PXDC1: variants seen among roughly 807,000 people sequenced by gnomAD.
The protein encoded by PXDC1 is PX domain containing 1.
A neutral mutation model predicts 24.4 loss-of-function variants in PXDC1; 13 were observed. The ratio of observed to expected loss-of-function variants is 0.53; its 90% CI spans 0.35 to 0.85. The LOEUF (loss-of-function observed/expected upper bound fraction) is 0.85, where lower values mean the gene tolerates loss of function less well. PXDC1 is among the 40% of genes least tolerant of loss of function. The probability of loss-of-function intolerance (pLI) is 0.01; values close to 1 mark genes in which losing one functional copy is unlikely to be tolerated. For missense variants in PXDC1, 344 were observed against 309.3 expected (o/e 1.11, Z -0.84); for synonymous variants, 162 against 124.9 (o/e 1.30, Z -1.98).
rs535031503 is a variant in PXDC1, at chr6:3,743,721, C to T, written c.257-5573G>A. Among the ~76,000 whole-genome samples, 30 of 152,328 alleles carry T rather than the reference C, an allele frequency of 2.0e-4. No homozygotes were observed. In the South Asian group the frequency reaches 6.0e-3, roughly 30 times the overall value. ...TGCTCTTCGCTATCCGAGACTGACA[C>T]GTTTCCACCTGTGGAGTGTCACGCA... On this transcript the variant is annotated intron_variant, in intron 1 of 4. Coordinates refer to ENST00000380283, the MANE Select transcript of PXDC1 (RefSeq NM_183373.4).
chr6:3,723,700 C>T lies in PXDC1; in HGVS notation c.615G>A (p.Glu205=), dbSNP rs1271281707. The T allele has an allele frequency of 1.9e-5, 30 of 1,614,194 alleles. No homozygotes were observed. Among genetic ancestry groups the T allele is most frequent in the Non-Finnish European group, 2.4e-5 (28 of 1,180,030 alleles). ...ENGSEFPSEL[E]DGDDPAAYVT... is the part of the protein sequence containing the mutation. ...CGTAGGCTGCTGGGTCGTCCCCGTC[C>T]TCCAGCTCTGAGGGAAACTCACTGC... Residue 205 remains glutamate (E), a synonymous_variant, in exon 5 of 5, where the codon GAG becomes GAA. Coordinates refer to ENST00000380283, the MANE Select transcript of PXDC1 (RefSeq NM_183373.4).
Position 3,737,004 on chromosome 6 carries a change from CA to C in PXDC1, c.466+74del. On this transcript the variant is annotated intron_variant, in intron 3 of 4. Coordinates refer to ENST00000380283, the MANE Select transcript of PXDC1 (RefSeq NM_183373.4). The surrounding 1 kb of genome is among the most constrained non-coding windows in gnomAD (Gnocchi z 5.5). Reference sequence around the variant, plus strand: ...AGTGTGGCCCAGCCTCAGAGACAGCCAACTGTGAGGGTTTCTGTGACATCTC... The same window carrying C: ...AGTGTGGCCCAGCCTCAGAGACAGCCACTGTGAGGGTTTCTGTGACATCTC... The C allele has an allele frequency of 1.1e-6, 1 of 884,720 alleles. No homozygotes were observed. The highest frequency in any genetic ancestry group is 1.9e-6 in the Non-Finnish European group (1 of 521,780). 54.8% of individuals were successfully genotyped at this position (884,720 alleles called of 1,614,324 possible).
chr6:3,739,375 C>A (rs774011708), intron 1 of PXDC1, among the ~76,000 whole-genome samples: 1 of 152,232 alleles, frequency 6.6e-6, no homozygotes, highest in Non-Finnish European at 1.5e-5. Flanking sequence ...CAAGCACGTG[C>A]CAGGTGCCCA....
chr6:3,733,905 C>A (rs1024835509), intron 3 of PXDC1, among the ~76,000 whole-genome samples: 1 of 152,158 alleles, frequency 6.6e-6, no homozygotes, highest in Non-Finnish European at 1.5e-5. Flanking sequence ...TTCCACATTT[C>A]CTCCCATTCT....
In PXDC1 at chr6:3,751,321, A is replaced by T; in HGVS notation, c.211T>A (p.Phe71Ile). Residue 71 changes from phenylalanine to isoleucine, a missense_variant, in exon 1 of 5, where the codon TTT (phenylalanine) becomes ATT (isoleucine). Phe to Ile is a conservative substitution (Grantham distance 21). Transcript: ENST00000380283. ...GCCAGTTCGGACCGGTCCTCGGGAA[A>T]GGCGTCGCGCAGGCGCTGCCACAGG... ...GRLWQRLRDA[F>I]PEDRSELAQG... is the part of the protein sequence containing the mutation. The T allele has an allele frequency of 6.5e-7, 1 of 1,548,788 alleles. No homozygotes were observed. The highest frequency in any genetic ancestry group is 2.5e-5 in the East Asian group (1 of 40,736).
chr6:3,745,909 T>C (rs1265723341), intron 1 of PXDC1, among the ~76,000 whole-genome samples: 2 of 152,234 alleles, frequency 1.3e-5, no homozygotes, highest in African/African-American at 2.4e-5. Flanking sequence ...CAGGTGTAAG[T>C]TGGCAAAAGA....
At chr6:3,736,430 G>T (rs1184093201) in intron 3 of PXDC1, among the ~76,000 whole-genome samples, 3 of 152,184 alleles carry the variant, frequency 2.0e-5, no homozygotes, top group Non-Finnish European at 2.9e-5. Context: ...GTCACAAGGT[G>T]ATTGCCACTT....
At position 3,751,523 on chromosome 6, in the gene PXDC1, C is replaced by G. The variant is rs1327281526; in HGVS notation, c.9G>C (p.Ser3=). MA[S]AVFEGTSLVN... ...CGAGCGACGTGCCCTCAAACACCGCCGAGGCCATGTCGCACGCATGCCCCC... is the reference window on the plus strand; with the variant it reads ...CGAGCGACGTGCCCTCAAACACCGCGGAGGCCATGTCGCACGCATGCCCCC... The change falls in exon 1 of 5, where the codon TCG becomes TCC. Residue 3 remains serine, a synonymous_variant. Transcript: ENST00000380283. The G allele has an allele frequency of 6.3e-7, 1 of 1,586,746 alleles. No homozygotes were observed. The highest frequency in any genetic ancestry group is 1.4e-5 in the African/African-American group (1 of 72,788).
intron 1 of PXDC1, among the ~76,000 whole-genome samples, chr6:3,742,529 G>C (rs1419609080): frequency 6.6e-6 from 1 of 152,172 alleles, no homozygotes. Flanking sequence ...AACGGAAGCA[G>C]AGCCGCTTCG....
chr6:3,729,417 G>T (rs181511030), intron 3 of PXDC1, among the ~76,000 whole-genome samples: 89 of 152,238 alleles, frequency 5.8e-4, no homozygotes, highest in African/African-American at 2.0e-3. Context: ...CTGCCTTTCT[G>T]GAGAAGGGCC....
At chr6:3,745,749 T>C (rs1760554832) in intron 1 of PXDC1, among the ~76,000 whole-genome samples, 1 of 152,160 alleles carries the variant, frequency 6.6e-6, no homozygotes, top group Non-Finnish European at 1.5e-5. Flanking sequence ...AAGGCCTTGA[T>C]CTTCTATGAT....
Position 3,737,695 on chromosome 6 carries a change from G to A in PXDC1, c.348+362C>T. 2 of 985,368 alleles carry A rather than the reference G, an allele frequency of 2.0e-6. No individual in the cohort carries two copies. The highest frequency in any genetic ancestry group is 1.2e-6 in the Non-Finnish European group (1 of 829,890). 61.0% of individuals were successfully genotyped at this position (985,368 alleles called of 1,614,324 possible). On this transcript the variant is annotated intron_variant, in intron 2 of 4. Coordinates refer to ENST00000380283, the MANE Select transcript of PXDC1 (RefSeq NM_183373.4). This position sits in a 1 kb window ranked among gnomAD's most constrained non-coding sequence, Gnocchi z 5.5. ...CCAACGTTCTTCTTGGTTTCCACGT[G>A]TCTGTTCTAAAATCCCCTCAGCAAG...
chr6:3,733,216 G>A (rs1401411319), intron 3 of PXDC1, among the ~76,000 whole-genome samples: 2 of 152,152 alleles, frequency 1.3e-5, no homozygotes, highest in African/African-American at 4.8e-5. Context: ...ACGCATGAGA[G>A]AAAGCCGTGT....
rs118188831 is a variant in PXDC1 at position 3,726,136 on chromosome 6, C to T, written c.578+1415G>A. Among the ~76,000 whole-genome samples, 27 of 152,272 alleles carry T rather than the reference C, an allele frequency of 1.8e-4. 2 individuals carry two copies. The East Asian group carries it at 5.2e-3, about 29-fold the overall frequency. On this transcript the variant is annotated intron_variant, in intron 4 of 4. Coordinates refer to ENST00000380283, the MANE Select transcript of PXDC1 (RefSeq NM_183373.4). ...GGCCTCTTGGATATAGAAAGGGGTCCCCTTGCAAACACTGCAGACTCAGAG... is the reference window on the plus strand; with the variant it reads ...GGCCTCTTGGATATAGAAAGGGGTCTCCTTGCAAACACTGCAGACTCAGAG...
intron 4 of PXDC1, among the ~76,000 whole-genome samples, chr6:3,726,626 G>A (rs1760074240): frequency 6.6e-6 from 1 of 152,240 alleles, no homozygotes; most frequent in African/African-American, 2.4e-5. Context: ...TTCACGCTGG[G>A]GTCACAGCCC....
At chr6:3,748,587 GCA>G (rs1487634076) in intron 1 of PXDC1, among the ~76,000 whole-genome samples, 2 of 152,110 alleles carry the variant, frequency 1.3e-5, no homozygotes, top group East Asian at 3.9e-4. Flanking sequence ...GAGAGAAAAA[GCA>G]CATTCTCCCC....
chr6:3,727,448 G>T, intron 4 of PXDC1, 103 bp downstream of exon 4: 1 of 732,280 alleles, frequency 1.4e-6, no homozygotes, highest in Non-Finnish European at 2.3e-6. Context: ...CTGCTGGGTG[G>T]CTCTGGGCAC....
chr6:3,737,128 A>G lies in PXDC1; in HGVS notation c.417T>C (p.Asp139=). ...RSPLDQVLKN[D]NVHKIQPSFQ... ...AGCTGGGTTGAATTTTATGCACATT[A>G]TCATTTTTTAACACCTGATCCAGAG... Residue 139 remains aspartate, a synonymous_variant, in exon 3 of 5, where the codon GAT becomes GAC. Transcript: ENST00000380283. This position sits in a 1 kb window ranked among gnomAD's most constrained non-coding sequence, Gnocchi z 5.5. 1.9e-6 allele frequency: 3 copies of G among 1,613,874 alleles called. No homozygotes were observed. The highest frequency in any genetic ancestry group is 2.5e-6 in the Non-Finnish European group (3 of 1,179,752).
intron 3 of PXDC1, among the ~76,000 whole-genome samples, 189 bp downstream of exon 3, chr6:3,736,890 G>A (rs1760331509): frequency 6.6e-6 from 1 of 152,212 alleles, no homozygotes; most frequent in African/African-American, 2.4e-5. Flanking sequence ...CAGCAGGAGT[G>A]AAAACCACAG....
Sources: gnomAD v4.1 joint callset for allele counts (sites outside exome capture counted in the v4.1 genomes callset) on GRCh38, gnomAD v4.1.1 for gene constraint, Gnocchi (gnomAD v3.1) non-coding constraint, MANE v1.5 for transcripts, NCBI Gene and HGNC (gene_info 2026-07-23, HGNC 2026-07-21) for gene names.